The following RUBCN variants were observed in gnomAD, a reference collection of about 807,000 sequenced individuals.
RUBCN encodes the protein run domain Beclin-1-interacting and cysteine-rich domain-containing protein.
In RUBCN, 74 loss-of-function variants were observed where a neutral mutation model predicts 113.2. The ratio of observed to expected loss-of-function variants is 0.65; its 90% confidence interval spans 0.54 to 0.79. The LOEUF (loss-of-function observed/expected upper bound fraction) is 0.79, where lower values mean the gene tolerates loss of function less well. Ranked by LOEUF, RUBCN falls within the 30% of genes least tolerant of loss-of-function variation. The pLI is 0.00. For missense variants in RUBCN, 1,109 were observed against 1,251.7 expected, an observed-to-expected ratio of 0.89 and a Z score of 1.72; for synonymous variants, 480 against 490.0, an observed-to-expected ratio of 0.98 and a Z score of 0.27.
intron 11 of RUBCN, among the ~76,000 whole-genome samples, chr3:197,684,549 C>A (rs1343693247): frequency 6.6e-6 from 1 of 152,018 alleles, no homozygotes; most frequent in Admixed American, 6.6e-5. Context: ...CCCTCATATG[C>A]ACAAACACAA....
rs1311426096 is a variant in RUBCN at position 197,682,758 on chromosome 3, C to CGG, written c.1981-145_1981-144dup. ...CGGACGGGCTTGAGAAACAGAAATG[C>CGG]GGGACCCTTTTGGCCATGACAGAGC... is the stretch of plus-strand genomic sequence containing the variant. On this transcript the variant is annotated intron_variant, in intron 13 of 19. Coordinates refer to ENST00000296343, the MANE Select transcript of RUBCN (RefSeq NM_014687.4). 158 of 1,079,008 alleles carry CGG rather than the reference C, an allele frequency of 1.5e-4. No homozygotes were observed. The East Asian group carries it at 3.9e-3, about 27-fold the overall frequency. 66.8% of individuals were successfully genotyped at this position (1,079,008 alleles called of 1,614,324 possible).
intron 1 of RUBCN, among the ~76,000 whole-genome samples, chr3:197,729,590 G>A (rs1009107924): frequency 6.6e-6 from 1 of 151,448 alleles, no homozygotes; most frequent in Non-Finnish European, 1.5e-5. Context: ...AGACAGTCTC[G>A]ATCTGTTGCC....
intron 11 of RUBCN, among the ~76,000 whole-genome samples, chr3:197,684,892 G>A (rs1721670768): frequency 6.6e-6 from 1 of 152,130 alleles, no homozygotes; most frequent in African/African-American, 2.4e-5. Flanking sequence ...AGTGTCTGCA[G>A]TTTTGCCTCT....
intron 1 of RUBCN, among the ~76,000 whole-genome samples, chr3:197,744,009 A>G (rs1244219878): frequency 4.0e-5 from 6 of 151,572 alleles, no homozygotes; most frequent in Non-Finnish European, 5.9e-5. Context: ...AAAAATAACT[A>G]ATATTAGCTA....
chr3:197,717,868 G>A, intron 2 of RUBCN, 109 bp downstream of exon 2: 1 of 1,164,468 alleles, frequency 8.6e-7, no homozygotes, highest in East Asian at 2.4e-5. Context: ...AGTCACAGCT[G>A]CTCTCAGGAG....
intron 3 of RUBCN, 87 bp downstream of exon 3, chr3:197,705,005 T>C (rs1724129043): frequency 9.5e-7 from 1 of 1,048,598 alleles, no homozygotes; most frequent in African/African-American, 1.6e-5. Context: ...TATTCCCTCC[T>C]TGGAGCCTAG....
In RUBCN at chr3:197,736,771, G is replaced by A. The variant is rs1164322578; in HGVS notation, c.-52C>T. ...CCAAGAGAGGCGTCCCTGCCGCTTCGCCCTTCAGGGCTCCCGGGGCCCCCT... is the reference window on the plus strand; with the variant it reads ...CCAAGAGAGGCGTCCCTGCCGCTTCACCCTTCAGGGCTCCCGGGGCCCCCT... On this transcript the variant is annotated 5_prime_UTR_variant, in exon 1 of 20. Transcript: ENST00000296343. 3 of 1,513,490 alleles carry A rather than the reference G, an allele frequency of 2.0e-6. No individual in the cohort carries two copies. Among genetic ancestry groups the A allele is most frequent in the Non-Finnish European group, 2.6e-6 (3 of 1,137,598 alleles). 93.8% of individuals were successfully genotyped at this position (1,513,490 alleles called of 1,614,324 possible).
Position 197,677,099 on chromosome 3 carries a change from G to A in RUBCN, c.2493-61C>T, listed in dbSNP as rs973027356. 2.6e-6 allele frequency: 4 copies of A among 1,532,228 alleles called. No individual in the cohort carries two copies. The African/African-American group carries it at 5.5e-5, about 21-fold the overall frequency. The allele number at this position is 1,532,228 out of a possible 1,614,324, so 94.9% of individuals were successfully genotyped here. A position where few individuals can be genotyped will look rare whatever the true frequency, so the allele number is the denominator to read the frequency against. ...ACAGTGCATGTGCCACATCGTAGTAGAAGGATCCCTATCCAGAAACTGCAG... is the reference window on the plus strand; with the variant it reads ...ACAGTGCATGTGCCACATCGTAGTAAAAGGATCCCTATCCAGAAACTGCAG... On this transcript the variant is annotated intron_variant, in intron 17 of 19. Transcript: ENST00000296343.
At chr3:197,676,705 G>C in intron 18 of RUBCN, 180 bp downstream of exon 18, 1 of 1,466,204 alleles carries the variant, frequency 6.8e-7, no homozygotes, top group Non-Finnish European at 9.0e-7. Flanking sequence ...AGGTTCTTTA[G>C]ATCAGGATGA....
intron 9 of RUBCN, 136 bp from the exon 10 acceptor site, chr3:197,694,721 T>C: frequency 1.3e-6 from 1 of 783,326 alleles, no homozygotes; most frequent in Non-Finnish European, 2.2e-6. Flanking sequence ...ACATTTCTAC[T>C]ACGAGGAAAG....
In RUBCN at chr3:197,669,248, T is replaced by C. The variant is rs1021859524; in HGVS notation, c.*5770A>G. Among the ~76,000 whole-genome samples, 3 of 152,186 alleles carry C rather than the reference T, an allele frequency of 2.0e-5. No individual in the cohort carries two copies. Among genetic ancestry groups the C allele is most frequent in the South Asian group, 2.1e-4 (1 of 4,834 alleles). On this transcript the variant is annotated 3_prime_UTR_variant, in exon 20 of 20. Transcript: ENST00000296343. The stretch of plus-strand genomic sequence containing the variant: ...ATGTTACTTTTAACTAAACTCCAAA[T>C]TGTATTCAGATTTTGCCAGTTTTTT...
At chr3:197,679,226 TC>T (rs1466517024) in intron 16 of RUBCN, among the ~76,000 whole-genome samples, 17 of 134,334 alleles carry the variant, frequency 1.3e-4, no homozygotes, top group East Asian at 7.3e-4. Context: ...ACGCTCTAAC[TC>T]GACAAGTGGC....
At chr3:197,720,169 C>G (rs1725990374) in intron 1 of RUBCN, among the ~76,000 whole-genome samples, 2 of 152,174 alleles carry the variant, frequency 1.3e-5, no homozygotes, top group Non-Finnish European at 1.5e-5. Flanking sequence ...TCTCCATGCC[C>G]TTCTCCCTCC....
At chr3:197,739,631 G>A (rs1171770250), upstream of RUBCN, among the ~76,000 whole-genome samples, 9 of 151,422 alleles carry the variant, frequency 5.9e-5, no homozygotes, top group Admixed American at 3.9e-4. Flanking sequence ...CCCGGGAGGC[G>A]GAGCTTGCAG....
intron 1 of RUBCN, among the ~76,000 whole-genome samples, chr3:197,731,743 C>CG (rs1212330627): frequency 1.3e-5 from 2 of 149,294 alleles, no homozygotes; most frequent in Non-Finnish European, 3.0e-5. Context: ...ACTGGCCGGG[C>CG]GGGGGGCTGA....
chr3:197,722,696 CTCTT>C (rs1291055382), intron 1 of RUBCN, among the ~76,000 whole-genome samples: 4 of 151,798 alleles, frequency 2.6e-5, no homozygotes, highest in African/African-American at 9.7e-5. Flanking sequence ...GCTGAATTGA[CTCTT>C]TATCATTACA....
chr3:197,730,859 C>CT (rs1021974844), intron 1 of RUBCN, among the ~76,000 whole-genome samples: 80 of 58,970 alleles, frequency 1.4e-3, no homozygotes, highest in African/African-American at 4.0e-3. Context: ...ATTAAAATAT[C>CT]TTTTTTTTTC....
chr3:197,717,300 C>T (rs1380158784), intron 2 of RUBCN, among the ~76,000 whole-genome samples: 4 of 151,854 alleles, frequency 2.6e-5, no homozygotes, highest in Admixed American at 6.6e-5. Context: ...AAAAATTAGC[C>T]GGGCCTGGTG....
chr3:197,738,089 G>A (rs1021962781), upstream of RUBCN, among the ~76,000 whole-genome samples: 5 of 152,202 alleles, frequency 3.3e-5, no homozygotes, highest in African/African-American at 1.2e-4. Context: ...GCTAGGATCT[G>A]CATTTTTAAG....
Sources: gnomAD v4.1 joint callset for allele counts (sites outside exome capture counted in the v4.1 genomes callset) on GRCh38, gnomAD v4.1.1 for gene constraint, MANE v1.5 for transcripts, NCBI Gene and HGNC (gene_info 2026-07-23, HGNC 2026-07-21) for gene names.